The following CDIN1 variants were observed in gnomAD, a reference collection of about 807,000 sequenced individuals.
The protein encoded by CDIN1 is CDAN1-interacting nuclease 1.
A neutral mutation model predicts 45.3 loss-of-function variants in CDIN1; 33 were observed. That is an observed-to-expected ratio of 0.73 (90% CI 0.55 to 0.97). The LOEUF (loss-of-function observed/expected upper bound fraction) is 0.97. Ranked by LOEUF, CDIN1 falls within the 50% of genes least tolerant of loss-of-function variation. The pLI, the probability that CDIN1 is intolerant of heterozygous loss-of-function variation, is 0.00. For missense variants in CDIN1, 303 were observed against 339.4 expected (o/e 0.89, Z 0.84); for synonymous variants, 118 against 124.4 (o/e 0.95, Z 0.34).
At chr15:36,658,113 C>T (rs1428020343) in intron 5 of CDIN1, 1 of 459,024 alleles carries the variant, frequency 2.2e-6, no homozygotes. Flanking sequence ...AAATTCCACA[C>T]TCAACCTCTC....
chr15:36,602,255 C>A (rs185215198), intron 1 of CDIN1, among the ~76,000 whole-genome samples: 12 of 152,320 alleles, frequency 7.9e-5, no homozygotes, highest in Admixed American at 6.5e-4. Flanking sequence ...CTCCAATAAC[C>A]AAACTTTTAT....
chr15:36,687,518 C>T lies in CDIN1; in HGVS notation c.347-4167C>T, dbSNP rs563639418. Among the ~76,000 whole-genome samples the T allele has an allele frequency of 9.9e-5, 15 of 152,076 alleles. No homozygotes were observed. The South Asian group carries it at 3.1e-3, about 32-fold the overall frequency. Reference sequence around the variant, plus strand: ...AGGTCACATTAAATTTAACAGAAAACCTTTATTAGAGTTAAAGAAAGTCTT... The same window carrying T: ...AGGTCACATTAAATTTAACAGAAAATCTTTATTAGAGTTAAAGAAAGTCTT... On this transcript the variant is annotated intron_variant, in intron 5 of 10. Transcript: ENST00000566621.
intron 7 of CDIN1, among the ~76,000 whole-genome samples, chr15:36,692,389 TCA>T (rs1419800664): frequency 6.6e-6 from 1 of 152,196 alleles, no homozygotes; most frequent in Non-Finnish European, 1.5e-5. Flanking sequence ...AGTTCAGCAG[TCA>T]CACATTCACA....
At chr15:36,702,166 A>C (rs563917039) in intron 8 of CDIN1, 84 of 701,124 alleles carry the variant, frequency 1.2e-4, no homozygotes, top group South Asian at 1.2e-3. Flanking sequence ...TTTCATAAGG[A>C]ATCCACCATT....
chr15:36,678,078 G>T (rs1436967213), intron 5 of CDIN1, among the ~76,000 whole-genome samples: 1 of 152,184 alleles, frequency 6.6e-6, no homozygotes, highest in African/African-American at 2.4e-5. Context: ...TGTGCTAGTT[G>T]GAGAGAATAA....
chr15:36,614,909 C>G (rs1294970421), intron 1 of CDIN1, among the ~76,000 whole-genome samples: 2 of 151,988 alleles, frequency 1.3e-5, no homozygotes, highest in Non-Finnish European at 2.9e-5. Context: ...CATCTCTACC[C>G]CCTCCCAACT....
intron 1 of CDIN1, among the ~76,000 whole-genome samples, chr15:36,597,449 T>C (rs1426048490): frequency 1.3e-5 from 2 of 152,236 alleles, no homozygotes; most frequent in Non-Finnish European, 2.9e-5. Flanking sequence ...CCCTGCATTA[T>C]GGCTAAAGTG....
At chr15:36,729,916 C>T (rs998137365) in intron 10 of CDIN1, among the ~76,000 whole-genome samples, 1 of 152,144 alleles carries the variant, frequency 6.6e-6, no homozygotes, top group African/African-American at 2.4e-5. Flanking sequence ...AAACAACCAG[C>T]ATCATGATTT....
chr15:36,687,539 G>A (rs2042104504), intron 5 of CDIN1, among the ~76,000 whole-genome samples: 1 of 152,100 alleles, frequency 6.6e-6, no homozygotes, highest in South Asian at 2.1e-4. Context: ...GTTAAAGAAA[G>A]TCTTGACTTT....
intron 10 of CDIN1, among the ~76,000 whole-genome samples, chr15:36,726,150 G>A (rs79811981): frequency 1.2e-3 from 188 of 152,252 alleles, no homozygotes; most frequent in African/African-American, 4.4e-3. Flanking sequence ...TGAAGTATTT[G>A]TTTTAGCTCT....
chr15:36,634,074 T>A (rs1025925421), intron 1 of CDIN1, among the ~76,000 whole-genome samples: 3 of 151,932 alleles, frequency 2.0e-5, no homozygotes, highest in Non-Finnish European at 2.9e-5. Flanking sequence ...TTTATAAAAA[T>A]GTCACAATTC....
chr15:36,795,195 CAGAT>C (rs915553659), intron 10 of CDIN1, among the ~76,000 whole-genome samples: 2 of 152,038 alleles, frequency 1.3e-5, no homozygotes, highest in Non-Finnish European at 2.9e-5. Flanking sequence ...AACATACAGT[CAGAT>C]AGAGGAGTAA....
chr15:36,762,077 T>C (rs1356145301), intron 10 of CDIN1, among the ~76,000 whole-genome samples: 2 of 152,136 alleles, frequency 1.3e-5, no homozygotes, highest in Non-Finnish European at 2.9e-5. Flanking sequence ...TCCTATCATA[T>C]CTAGAGAGTA....
chr15:36,783,525 T>G (rs542793681), intron 10 of CDIN1, among the ~76,000 whole-genome samples: 67 of 152,324 alleles, frequency 4.4e-4, no homozygotes, highest in African/African-American at 1.4e-3. Context: ...GGTGGCAAGC[T>G]TTTTCATTTA....
intron 10 of CDIN1, 98 bp downstream of exon 10, chr15:36,710,059 G>A (rs189690708): frequency 7.0e-5 from 53 of 755,506 alleles, no homozygotes; most frequent in Middle Eastern, 3.0e-4. Context: ...GCTAGTAGCC[G>A]TTGTTTCTAG....
At chr15:36,670,944 G>A (rs1040161566) in intron 5 of CDIN1, among the ~76,000 whole-genome samples, 1 of 152,038 alleles carries the variant, frequency 6.6e-6, no homozygotes, top group Non-Finnish European at 1.5e-5. Context: ...AGTATATTGT[G>A]TTTAATAATC....
chr15:36,666,870 A>G (rs1261493123), intron 5 of CDIN1, among the ~76,000 whole-genome samples: 2 of 152,242 alleles, frequency 1.3e-5, no homozygotes, highest in African/African-American at 4.8e-5. Flanking sequence ...TAATATGCAC[A>G]TATTATATAC....
At chr15:36,785,488 A>T (rs1356495084) in intron 10 of CDIN1, among the ~76,000 whole-genome samples, 2 of 152,250 alleles carry the variant, frequency 1.3e-5, no homozygotes, top group Middle Eastern at 3.4e-3. Flanking sequence ...GAAGCATAGG[A>T]CATCTGTGAG....
intron 3 of CDIN1, among the ~76,000 whole-genome samples, chr15:36,652,702 T>A (rs1012910476): frequency 2.0e-5 from 3 of 152,222 alleles, no homozygotes; most frequent in African/African-American, 7.2e-5. Flanking sequence ...TTTGTTAGAA[T>A]TATTTTGAAG....
Sources: allele counts gnomAD v4.1 joint callset (sites outside exome capture counted in the v4.1 genomes callset), GRCh38; gene constraint gnomAD v4.1.1; transcripts MANE v1.5; gene names NCBI Gene and HGNC (gene_info 2026-07-23, HGNC 2026-07-21).